KMT2C: variants seen among roughly 807,000 people sequenced by gnomAD.
The protein encoded by KMT2C is lysine methyltransferase 2C, also known as histone-lysine N-methyltransferase 2C.
KMT2C carries 88 observed loss-of-function variants against 507.9 expected under a neutral mutation model. That is an observed-to-expected ratio of 0.17 (90% CI 0.15 to 0.21). The LOEUF (loss-of-function observed/expected upper bound fraction) is 0.21, where lower values mean the gene tolerates loss of function less well. Ranked by LOEUF, KMT2C falls within the 10% of genes least tolerant of loss-of-function variation. KMT2C has a pLI of 1.00. For missense variants in KMT2C, 4,954 were observed against 5,957.8 expected (o/e 0.83, Z 5.55); for synonymous variants, 2,049 against 2,080.8 (o/e 0.98, Z 0.42).
chr7:152,359,173 C>T (rs2097175415), intron 1 of KMT2C, among the ~76,000 whole-genome samples: 1 of 150,908 alleles, frequency 6.6e-6, no homozygotes, highest in Admixed American at 6.6e-5. Flanking sequence ...AAATTAAGCA[C>T]GATTATAATC....
chr7:152,147,707 C>CAAAAAAAAAAAAAAAAAAAAA (rs762588729), intron 52 of KMT2C, among the ~76,000 whole-genome samples: 5 of 46,712 alleles, frequency 1.1e-4, no homozygotes, highest in African/African-American at 3.2e-4. Context: ...AACTCCGTCT[C>CAAAAAAAAAAAAAAAAAAAAA]AAAAAAAAAA....
chr7:152,400,583 C>G (rs2097566483), intron 1 of KMT2C, among the ~76,000 whole-genome samples: 1 of 152,180 alleles, frequency 6.6e-6, no homozygotes, highest in Admixed American at 6.5e-5. Context: ...CTTCAAAACT[C>G]TGAGGGAAAA....
chr7:152,140,619 T>C (rs1230682968), intron 55 of KMT2C, among the ~76,000 whole-genome samples: 3 of 152,200 alleles, frequency 2.0e-5, no homozygotes, highest in Admixed American at 1.3e-4. Flanking sequence ...TAGATGCAAC[T>C]GAATCAGAAG....
Position 152,306,740 on chromosome 7 carries a change from T to TC in KMT2C, c.849+3225dup, listed in dbSNP as rs768533958. 9.5e-4 allele frequency among the ~76,000 whole-genome samples: 145 copies of TC among 152,334 alleles called. 1 individual carries two copies. The highest frequency in any genetic ancestry group is 1.7e-3 in the Non-Finnish European group (113 of 68,026). The stretch of plus-strand genomic sequence containing the variant: ...GCAGCAAAGAATGAGAGTACCTGTT[T>TC]CCCCACAGCCCTGTCAACAAATGTG... On this transcript the variant is annotated intron_variant, in intron 6 of 58. Coordinates refer to ENST00000262189, the MANE Select transcript of KMT2C (RefSeq NM_170606.3).
chr7:152,180,898 T>A lies in KMT2C; in HGVS notation c.6962A>T (p.Asp2321Val), dbSNP rs1047924270. 6.2e-7 allele frequency: 1 copy of A among 1,614,094 alleles called. No homozygotes were observed. The highest frequency in any genetic ancestry group is 8.5e-7 in the Non-Finnish European group (1 of 1,180,020). Residue 2321 changes from aspartate (D) to valine (V), a missense_variant, in exon 36 of 59, where the codon GAT (aspartate) becomes GTT (valine). This residue lies in a region of KMT2C where 1,689 missense variants were observed against 1,654.3 expected (regional missense o/e 1.02). Coordinates refer to ENST00000262189, the MANE Select transcript of KMT2C (RefSeq NM_170606.3). The part of the protein sequence containing the change: ...DSFGTSQTAH[D>V]VADQPRPGSE... ...TCCAGGCCTTGGCTGATCAGCAACA[T>A]CATGGGCAGTTTGACTTGTTCCAAA...
intron 25 of KMT2C, among the ~76,000 whole-genome samples, chr7:152,203,744 A>G (rs537257942): frequency 2.6e-5 from 4 of 152,332 alleles, no homozygotes; most frequent in Non-Finnish European, 5.9e-5. Context: ...CTGAAAATCA[A>G]TATGGGCACT....
chr7:152,217,897 C>G (rs574587294), intron 23 of KMT2C, among the ~76,000 whole-genome samples: 1 of 152,180 alleles, frequency 6.6e-6, no homozygotes, highest in South Asian at 2.1e-4. Context: ...GAGCACTTCC[C>G]AAATTTAAGA....
chr7:152,196,307 G>C (rs1285398116), intron 27 of KMT2C, among the ~76,000 whole-genome samples: 1 of 151,794 alleles, frequency 6.6e-6, no homozygotes, highest in African/African-American at 2.4e-5. Context: ...ACAAAGCAAA[G>C]AAAAAAAAGT....
chr7:152,203,182 T>C (rs1246945104), intron 25 of KMT2C, 118 bp from the exon 26 acceptor site: 2 of 732,926 alleles, frequency 2.7e-6, no homozygotes, highest in South Asian at 4.5e-5. Flanking sequence ...AACAAGCTTT[T>C]TGAACAAAAA....
At chr7:152,282,473 C>A (rs1220609928) in intron 6 of KMT2C, among the ~76,000 whole-genome samples, 22 of 151,370 alleles carry the variant, frequency 1.5e-4, no homozygotes, top group Middle Eastern at 3.4e-3. Context: ...AATTATAGTA[C>A]TCTTAACAAC....
At chr7:152,137,642 T>G (rs1201754592) in intron 58 of KMT2C, 1 of 152,254 alleles carries the variant, frequency 6.6e-6, no homozygotes, top group Non-Finnish European at 1.5e-5. Context: ...TTCTTGGCAA[T>G]GATTCCACTG....
At chr7:152,209,478 CAG>C (rs1353280432) in intron 23 of KMT2C, among the ~76,000 whole-genome samples, 5 of 143,728 alleles carry the variant, frequency 3.5e-5, no homozygotes, top group Non-Finnish European at 6.0e-5. Flanking sequence ...AAAAAAATGA[CAG>C]GGAATTTTGA....
chr7:152,325,902 T>G (rs2096824080), intron 3 of KMT2C, among the ~76,000 whole-genome samples: 1 of 151,736 alleles, frequency 6.6e-6, no homozygotes, highest in East Asian at 1.9e-4. Context: ...ATGAATAAAT[T>G]AGGTCTTTCT....
At chr7:152,225,513 A>G (rs1456506069) in intron 18 of KMT2C, among the ~76,000 whole-genome samples, 3 of 152,252 alleles carry the variant, frequency 2.0e-5, no homozygotes, top group Non-Finnish European at 4.4e-5. Flanking sequence ...CTAGCTACAC[A>G]AGCAACTATG....
In KMT2C at chr7:152,176,367, T is replaced by C. The variant is rs1366329840; in HGVS notation, c.9086A>G (p.Gln3029Arg). Residue 3029 changes from glutamine (Q) to arginine (R), a missense_variant, in exon 38 of 59, where the codon CAA (glutamine) becomes CGA (arginine). Gln to Arg is a conservative substitution (Grantham distance 43, BLOSUM62 1). This residue lies in a region of KMT2C where 1,689 missense variants were observed against 1,654.3 expected (regional missense o/e 1.02). Coordinates refer to ENST00000262189, the MANE Select transcript of KMT2C (RefSeq NM_170606.3). Reference protein sequence around the residue: ...QSGTSSMSGPQQLMIPQTLAQ... With the variant: ...QSGTSSMSGPRQLMIPQTLAQ... ...TAATGTTTGAGGAATCATTAGCTGT[T>C]GGGGTCCAGACATGCTACTGGTACC... 1.2e-5 allele frequency: 20 copies of C among 1,614,052 alleles called. No homozygotes were observed. Among genetic ancestry groups the C allele is most frequent in the African/African-American group, 8.0e-5 (6 of 74,932 alleles).
At chr7:152,191,223 CT>C (rs1217467840) in intron 31 of KMT2C, among the ~76,000 whole-genome samples, 5 of 152,206 alleles carry the variant, frequency 3.3e-5, no homozygotes, top group Admixed American at 1.3e-4. Flanking sequence ...CTGCAACTGC[CT>C]GTAAGTCAAA....
intron 2 of KMT2C, among the ~76,000 whole-genome samples, chr7:152,345,690 T>C (rs2097051821): frequency 6.6e-6 from 1 of 152,108 alleles, no homozygotes; most frequent in Non-Finnish European, 1.5e-5. Flanking sequence ...TCGGTTAATT[T>C]TTGTATTTTT....
In KMT2C at chr7:152,162,184, A is replaced by T; in HGVS notation, c.11393T>A (p.Ile3798Asn). ...CTTTGTACAGTCATCTTCTGAACAA[A>T]TACTGCCCTCAGGTTTTTGATTCAA... ...SLLNQKPEGS[I>N]CSEDDCTKDN... is the part of the protein sequence containing the mutation. The change falls in exon 43 of 59, where the codon ATT (isoleucine) becomes AAT (asparagine). Residue 3798 changes from isoleucine (I) to asparagine (N), a missense_variant. Ile to Asn is a moderately radical substitution (Grantham distance 149). Around this residue, in one of 29 missense-constraint regions of KMT2C, gnomAD observed 801 missense variants for 751.2 expected, o/e 1.07. Coordinates refer to ENST00000262189, the MANE Select transcript of KMT2C (RefSeq NM_170606.3). 1 of 1,612,668 alleles carries T rather than the reference A, an allele frequency of 6.2e-7. No individual in the cohort carries two copies. The highest frequency in any genetic ancestry group is 8.5e-7 in the Non-Finnish European group (1 of 1,179,514).
intron 1 of KMT2C, among the ~76,000 whole-genome samples, chr7:152,362,039 T>C (rs982229085): frequency 2.6e-5 from 4 of 151,642 alleles, no homozygotes; most frequent in African/African-American, 9.7e-5. Context: ...TAAAACAAAA[T>C]CCCTCCTGTC....
Sources: allele counts gnomAD v4.1 joint callset (sites outside exome capture counted in the v4.1 genomes callset), GRCh38; gene constraint gnomAD v4.1.1; regional missense constraint gnomAD v4.1.1; transcripts MANE v1.5; gene names NCBI Gene and HGNC (gene_info 2026-07-23, HGNC 2026-07-21).